The following LMO3 variants were observed in gnomAD, a reference collection of about 807,000 sequenced individuals.
LMO3 encodes LIM domain only 3.
Under a neutral mutation model 15.8 loss-of-function variants are expected in LMO3, and 2 were observed. The observed-to-expected ratio is 0.13, with a 90% CI of 0.05 to 0.40. The LOEUF (loss-of-function observed/expected upper bound fraction) is 0.40, where lower values mean the gene tolerates loss of function less well. LMO3 is among the 10% of genes least tolerant of loss of function. LMO3 has a pLI of 0.99. For synonymous variants in LMO3, 62 were observed against 63.8 expected (o/e 0.97, Z 0.13); for missense variants, 86 against 182.2 (o/e 0.47, Z 3.04).
chr12:16,554,118 T>C (rs1942096704), intron 3 of LMO3, among the ~76,000 whole-genome samples: 2 of 152,194 alleles, frequency 1.3e-5, no homozygotes, highest in South Asian at 4.1e-4. Flanking sequence ...AATTTCTAGA[T>C]ATTTTTGAGT....
At position 16,596,693 on chromosome 12, in the gene LMO3, G is replaced by A. The variant is rs1300728434; in HGVS notation, c.206+3962C>T. Among the ~76,000 whole-genome samples the A allele has an allele frequency of 1.3e-5, 2 of 151,634 alleles. No homozygotes were observed. The highest frequency in any genetic ancestry group is 3.0e-5 in the Non-Finnish European group (2 of 67,668). On this transcript the variant is annotated intron_variant, in intron 2 of 3. Coordinates refer to ENST00000537304, the MANE Select transcript of LMO3 (RefSeq NM_018640.5). The surrounding 1 kb of genome is among the most constrained non-coding windows in gnomAD (Gnocchi z 4.3). ...AAGCATGTAGAATTCCTAATTCTAA[G>A]ACTCTGATTATGCACTGGCTGGCTA... is the stretch of plus-strand genomic sequence containing the variant.
chr12:16,552,401 G>C (rs1025119119), intron 3 of LMO3, among the ~76,000 whole-genome samples: 19 of 152,016 alleles, frequency 1.2e-4, no homozygotes, highest in Admixed American at 6.6e-4. Context: ...TTAGTGGATA[G>C]ATTAAATTGT....
intron 2 of LMO3, among the ~76,000 whole-genome samples, chr12:16,577,178 T>A (rs563805463): frequency 6.6e-6 from 1 of 152,274 alleles, no homozygotes; most frequent in South Asian, 2.1e-4. Flanking sequence ...CCCATTACTC[T>A]AAAGAGTTAA....
chr12:16,572,259 C>A (rs1005043877), intron 2 of LMO3, among the ~76,000 whole-genome samples: 1 of 151,048 alleles, frequency 6.6e-6, no homozygotes, highest in Admixed American at 6.6e-5. Context: ...ACAATAAAAC[C>A]TGTAGATTAC....
rs1941933394 is a variant in LMO3 at position 16,550,146 on chromosome 12, A to T, written c.*1076T>A. 6.6e-6 allele frequency: 1 copy of T among 152,034 alleles called. No individual in the cohort carries two copies. Among genetic ancestry groups the T allele is most frequent in the Admixed American group, 6.6e-5 (1 of 15,252 alleles). The allele number at this position is 152,034 out of a possible 1,614,324, so 9.4% of individuals were successfully genotyped here. A position where few individuals can be genotyped will look rare whatever the true frequency, so the allele number is the denominator to read the frequency against. On this transcript the variant is annotated 3_prime_UTR_variant, in exon 4 of 4. Transcript: ENST00000537304. ...CGATCAAAAGTAACCTCACTACTCA[A>T]ATACCATCATAGCTTCAATGTGCAT...
In LMO3 at chr12:16,585,479, ATAT is replaced by A. The variant is rs1943290893; in HGVS notation, c.206+15173_206+15175del. Among the ~76,000 whole-genome samples the A allele has an allele frequency of 6.6e-6, 1 of 152,212 alleles. No individual in the cohort carries two copies. The highest frequency in any genetic ancestry group is 2.1e-4 in the South Asian group (1 of 4,834). Reference sequence around the variant, plus strand: ...ATGTTGTTTCAAATATTGTTCCCAAATATTATTCAAATTCACCTAATTTTACAT... The same window carrying A: ...ATGTTGTTTCAAATATTGTTCCCAAATATTCAAATTCACCTAATTTTACAT... On this transcript the variant is annotated intron_variant, in intron 2 of 3. Transcript: ENST00000537304. This position sits in a 1 kb window ranked among gnomAD's most constrained non-coding sequence, Gnocchi z 4.7.
chr12:16,569,198 T>C (rs1048703401), intron 2 of LMO3, among the ~76,000 whole-genome samples: 2 of 152,228 alleles, frequency 1.3e-5, no homozygotes, highest in Non-Finnish European at 2.9e-5. Context: ...AAATATCCCA[T>C]GTCTACACAC....
At position 16,583,318 on chromosome 12, in the gene LMO3, A is replaced by T. The variant is rs547472677; in HGVS notation, c.206+17337T>A. 1.1e-3 allele frequency among the ~76,000 whole-genome samples: 161 copies of T among 151,984 alleles called. 3 individuals carry two copies. Among genetic ancestry groups the T allele is most frequent in the South Asian group, 4.8e-3 (23 of 4,818 alleles). On this transcript the variant is annotated intron_variant, in intron 2 of 3. Coordinates refer to ENST00000537304, the MANE Select transcript of LMO3 (RefSeq NM_018640.5). ...CAACAACAGACTGTTCTTTTTTTTT[A>T]AAAAAATTAGACAATAGGGGAATTG...
At chr12:16,563,258 C>T (rs549204134) in intron 2 of LMO3, among the ~76,000 whole-genome samples, 1 of 152,276 alleles carries the variant, frequency 6.6e-6, no homozygotes, top group African/African-American at 2.4e-5. Flanking sequence ...ACTTTTTCCT[C>T]AGTTTTGTCC....
At position 16,582,835 on chromosome 12, in the gene LMO3, G is replaced by T. The variant is rs1943202489; in HGVS notation, c.206+17820C>A. ...GGCCAAATTGAGTGGATCACCTGAG[G>T]TCAGGAGTTCGAGACCAGCCTGGCC... On this transcript the variant is annotated intron_variant, in intron 2 of 3. Coordinates refer to ENST00000537304, the MANE Select transcript of LMO3 (RefSeq NM_018640.5). The surrounding 1 kb of genome is among the most constrained non-coding windows in gnomAD (Gnocchi z 4.1). Among the ~76,000 whole-genome samples, 1 of 152,072 alleles carries T rather than the reference G, an allele frequency of 6.6e-6. No homozygotes were observed. Among genetic ancestry groups the T allele is most frequent in the Non-Finnish European group, 1.5e-5 (1 of 68,008 alleles).
chr12:16,591,119 G>A lies in LMO3; in HGVS notation c.206+9536C>T, dbSNP rs866910767. On this transcript the variant is annotated intron_variant, in intron 2 of 3. Transcript: ENST00000537304. The surrounding 1 kb of genome is among the most constrained non-coding windows in gnomAD (Gnocchi z 4.1). ...CATTTAGAAATGTATACGGGGCATTGTTTGTTGCAACAGTGATAGGTGGTA... is the reference window on the plus strand; with the variant it reads ...CATTTAGAAATGTATACGGGGCATTATTTGTTGCAACAGTGATAGGTGGTA... Among the ~76,000 whole-genome samples, 6 of 152,132 alleles carry A rather than the reference G, an allele frequency of 3.9e-5. No individual in the cohort carries two copies. Among genetic ancestry groups the A allele is most frequent in the Middle Eastern group, 3.4e-3 (1 of 294 alleles).
Position 16,565,983 on chromosome 12 carries a change from CATATATAT to C in LMO3, c.207-5453_207-5446del, listed in dbSNP as rs61358392. Among the ~76,000 whole-genome samples, 143 of 43,788 alleles carry C rather than the reference CATATATAT, an allele frequency of 3.3e-3. 2 individuals are homozygous for C. The highest frequency in any genetic ancestry group is 4.5e-3 in the East Asian group (4 of 894). 28.7% of individuals were successfully genotyped at this position (43,788 alleles called of 152,430 possible). Reference sequence around the variant, plus strand: ...GGATGAATGGATGAAGAAAATGTGCCATATATATATATATATATATATATATATATATA... The same window carrying C: ...GGATGAATGGATGAAGAAAATGTGCCATATATATATATATATATATATATA... On this transcript the variant is annotated intron_variant, in intron 2 of 3. Transcript: ENST00000537304.
chr12:16,601,656 C>T (rs1943828590), intron 1 of LMO3, among the ~76,000 whole-genome samples: 1 of 151,868 alleles, frequency 6.6e-6, no homozygotes, highest in Admixed American at 6.6e-5. Flanking sequence ...AAAGAAAAAA[C>T]AATAGAAGGC....
In LMO3 at chr12:16,577,777, CATA is replaced by C. The variant is rs1464728689; in HGVS notation, c.207-17242_207-17240del. Among the ~76,000 whole-genome samples, 4 of 152,146 alleles carry C rather than the reference CATA, an allele frequency of 2.6e-5. No individual in the cohort carries two copies. In the East Asian group the frequency reaches 7.7e-4, roughly 29 times the overall value. On this transcript the variant is annotated intron_variant, in intron 2 of 3. Transcript: ENST00000537304. ...ACTTACAATGGCTCCATCTCACCAA[CATA>C]ATAATATTCAGGTTGCCCATGATGG... is the stretch of plus-strand genomic sequence containing the variant.
chr12:16,596,698 T>C lies in LMO3; in HGVS notation c.206+3957A>G, dbSNP rs1219329609. On this transcript the variant is annotated intron_variant, in intron 2 of 3. Coordinates refer to ENST00000537304, the MANE Select transcript of LMO3 (RefSeq NM_018640.5). This position sits in a 1 kb window ranked among gnomAD's most constrained non-coding sequence, Gnocchi z 4.3. ...TGTAGAATTCCTAATTCTAAGACTCTGATTATGCACTGGCTGGCTACTTTA... is the reference window on the plus strand; with the variant it reads ...TGTAGAATTCCTAATTCTAAGACTCCGATTATGCACTGGCTGGCTACTTTA... Among the ~76,000 whole-genome samples the C allele has an allele frequency of 6.6e-6, 1 of 151,726 alleles. No homozygotes were observed. Among genetic ancestry groups the C allele is most frequent in the African/African-American group, 2.4e-5 (1 of 41,402 alleles).
Position 16,597,498 on chromosome 12 carries a change from TC to T in LMO3, c.206+3156del, listed in dbSNP as rs567176176. The T allele has an allele frequency of 3.3e-5, 5 of 151,856 alleles. No individual in the cohort carries two copies. Among genetic ancestry groups the T allele is most frequent in the Admixed American group, 1.3e-4 (2 of 15,234 alleles). 9.4% of individuals were successfully genotyped at this position (151,856 alleles called of 1,614,324 possible). A position where few individuals can be genotyped will look rare whatever the true frequency, so the allele number is the denominator to read the frequency against. ...TTGCTCATAATTAGGAGTGTTTCTTTCTTTCTGTTTATGGAGGGAGAAGTGT... is the reference window on the plus strand; with the variant it reads ...TTGCTCATAATTAGGAGTGTTTCTTTTTTCTGTTTATGGAGGGAGAAGTGT... On this transcript the variant is annotated intron_variant, in intron 2 of 3. Transcript: ENST00000537304. The surrounding 1 kb of genome is among the most constrained non-coding windows in gnomAD (Gnocchi z 5.0).
Position 16,560,341 on chromosome 12 carries a change from T to C in LMO3, c.332+72A>G. 1 of 1,479,538 alleles carries C rather than the reference T, an allele frequency of 6.8e-7. No individual in the cohort carries two copies. Among genetic ancestry groups the C allele is most frequent in the Non-Finnish European group, 9.2e-7 (1 of 1,090,548 alleles). The allele number at this position is 1,479,538 out of a possible 1,614,324, so 91.7% of individuals were successfully genotyped here. ...TTGCTTTAAATGTATGAATATAATTTCCACCTATTAAATAAATAGCCAGCA... is the reference window on the plus strand; with the variant it reads ...TTGCTTTAAATGTATGAATATAATTCCCACCTATTAAATAAATAGCCAGCA... On this transcript the variant is annotated intron_variant, in intron 3 of 3. Transcript: ENST00000537304. This position sits in a 1 kb window ranked among gnomAD's most constrained non-coding sequence, Gnocchi z 5.0.
Position 16,587,930 on chromosome 12 carries a change from T to G in LMO3, c.206+12725A>C, listed in dbSNP as rs1383560688. Among the ~76,000 whole-genome samples the G allele has an allele frequency of 6.6e-6, 1 of 152,146 alleles. No homozygotes were observed. The highest frequency in any genetic ancestry group is 2.4e-5 in the African/African-American group (1 of 41,446). On this transcript the variant is annotated intron_variant, in intron 2 of 3. Coordinates refer to ENST00000537304, the MANE Select transcript of LMO3 (RefSeq NM_018640.5). The surrounding 1 kb of genome is among the most constrained non-coding windows in gnomAD (Gnocchi z 4.3). ...TCATGAAAGAAAACCTTGATTTAAT[T>G]TTAAATGAACAAAACAAGGAATATT...
chr12:16,551,957 G>C (rs751266007), intron 3 of LMO3, among the ~76,000 whole-genome samples: 8 of 151,902 alleles, frequency 5.3e-5, no homozygotes, highest in Non-Finnish European at 1.0e-4. Flanking sequence ...TGAAATAGTA[G>C]ATGTCATTTC....
Sources: allele counts gnomAD v4.1 joint callset (sites outside exome capture counted in the v4.1 genomes callset), GRCh38; gene constraint gnomAD v4.1.1; non-coding constraint Gnocchi (gnomAD v3.1); transcripts MANE v1.5; gene names NCBI Gene and HGNC (gene_info 2026-07-23, HGNC 2026-07-21).